Variants in GPALPP1 observed in about 807,000 individuals in gnomAD.
GPALPP1 encodes GPALPP motifs-containing protein 1.
In GPALPP1, 30 loss-of-function variants were observed where a neutral mutation model predicts 38.9. The ratio of observed to expected loss-of-function variants is 0.77; its 90% CI spans 0.58 to 1.05. GPALPP1 has a LOEUF of 1.05. Among genes scored for constraint, GPALPP1 ranks in the 50% least tolerant of loss-of-function variants. The pLI, the probability that GPALPP1 is intolerant of heterozygous loss-of-function variation, is 0.00. For missense variants in GPALPP1, 384 were observed against 408.8 expected, an observed-to-expected ratio of 0.94 and a Z score of 0.52; for synonymous variants, 120 against 139.2, an observed-to-expected ratio of 0.86 and a Z score of 0.97.
intron 1 of GPALPP1, among the ~76,000 whole-genome samples, chr13:44,996,454 G>C (rs1421945341): frequency 2.0e-5 from 3 of 151,312 alleles, no homozygotes; most frequent in Non-Finnish European, 2.9e-5. Context: ...TTTGTATGGA[G>C]TCTGGAAGAA....
chr13:45,008,580 T>C (rs1874260694), intron 3 of GPALPP1, among the ~76,000 whole-genome samples: 1 of 152,214 alleles, frequency 6.6e-6, no homozygotes, highest in Non-Finnish European at 1.5e-5. Context: ...TCTCTAATTA[T>C]TGACTAACAA....
At chr13:45,005,113 T>G (rs1873991784) in intron 2 of GPALPP1, 1 of 131,164 alleles carries the variant, frequency 7.6e-6, no homozygotes, top group South Asian at 2.6e-4. Flanking sequence ...TTTTTTTTTT[T>G]TTTGAGATGA....
downstream of GPALPP1, chr13:45,032,124 G>A (rs1188145812): frequency 2.0e-5 from 3 of 152,300 alleles, no homozygotes; most frequent in South Asian, 4.1e-4. Context: ...AAACGGTGGG[G>A]TTATTGGGTT....
chr13:44,998,628 C>A (rs1194825492), intron 1 of GPALPP1, among the ~76,000 whole-genome samples: 1 of 152,212 alleles, frequency 6.6e-6, no homozygotes, highest in Non-Finnish European at 1.5e-5. Flanking sequence ...CCAGTCCCCA[C>A]CTTCTTTGCC....
chr13:45,003,371 A>G (rs1873827942), intron 1 of GPALPP1, among the ~76,000 whole-genome samples: 4 of 152,250 alleles, frequency 2.6e-5, no homozygotes, highest in African/African-American at 7.2e-5. Context: ...AACAAATATT[A>G]CTATTACTAT....
In GPALPP1 at chr13:45,004,298, T is replaced by A; in HGVS notation, c.89-7T>A. 1 of 1,610,530 alleles carries A rather than the reference T, an allele frequency of 6.2e-7. No homozygotes were observed. Among genetic ancestry groups the A allele is most frequent in the South Asian group, 1.1e-5 (1 of 90,588 alleles). On this transcript the variant is annotated splice_region_variant and splice_polypyrimidine_tract_variant and intron_variant, in intron 1 of 7. Transcript: ENST00000379151. ...GCTAGTGATGACAAACAACAAGTGT[T>A]CTTTAGTTGCAGGACCAGCTCTGCC... is the stretch of plus-strand genomic sequence containing the variant.
At chr13:44,992,447 A>G (rs1218602725) in intron 1 of GPALPP1, among the ~76,000 whole-genome samples, 1 of 152,098 alleles carries the variant, frequency 6.6e-6, no homozygotes, top group Non-Finnish European at 1.5e-5. Context: ...GTATGTTTTG[A>G]TTAACATAAG....
Position 45,024,293 on chromosome 13 carries a change from T to TGTGTGTGTGTGTGC in GPALPP1, c.805-3479_805-3478insCGTGTGTGTGTGTG, listed in dbSNP as rs1566084661. On this transcript the variant is annotated intron_variant, in intron 7 of 7. Transcript: ENST00000379151. ...GTGTGTGTGTGTGTGTGTGTGTGTG[T>TGTGTGTGTGTGTGC]GTGTGTGTGTGTGTGTTTTGAGACT... Among the ~76,000 whole-genome samples the TGTGTGTGTGTGTGC allele has an allele frequency of 6.1e-5, 9 of 148,024 alleles. 1 individual carries two copies. In the South Asian group the frequency reaches 1.6e-3, roughly 26 times the overall value.
chr13:44,990,946 C>T (rs1303621227), intron 1 of GPALPP1, among the ~76,000 whole-genome samples: 6 of 151,958 alleles, frequency 3.9e-5, no homozygotes, highest in East Asian at 1.9e-4. Flanking sequence ...AAAAATTAGC[C>T]GGGCGTGGTG....
At position 45,024,216 on chromosome 13, in the gene GPALPP1, CTGAGTCTCAATCTTCAAGTGTTTTT is replaced by C. The variant is rs1566084557; in HGVS notation, c.805-3568_805-3544del. 2.5e-4 allele frequency among the ~76,000 whole-genome samples: 21 copies of C among 83,408 alleles called. 3 individuals are homozygous for C. Among genetic ancestry groups the C allele is most frequent in the African/African-American group, 1.0e-3 (20 of 20,062 alleles). 54.7% of individuals were successfully genotyped at this position (83,408 alleles called of 152,430 possible). On this transcript the variant is annotated intron_variant, in intron 7 of 7. Transcript: ENST00000379151. ...GTGTGTGTGTGTGTGTGTTTTGAGA[CTGAGTCTCAATCTTCAAGTGTTTTT>C]GCTTGGTATCCCCTAAAACTCTGTG...
intron 4 of GPALPP1, among the ~76,000 whole-genome samples, chr13:45,011,812 G>T (rs759672604): frequency 3.4e-4 from 52 of 152,090 alleles, no homozygotes; most frequent in Non-Finnish European, 4.6e-4. Context: ...AAGAATTTAG[G>T]CTAAGTACGA....
chr13:45,020,509 G>A lies in GPALPP1; in HGVS notation c.804+81G>A, dbSNP rs1875343637. ...CCAGCTACTTGGGAGGCTGAGGCAGGAGGATCACTTGAGACGAAGAGTTCA... is the reference window on the plus strand; with the variant it reads ...CCAGCTACTTGGGAGGCTGAGGCAGAAGGATCACTTGAGACGAAGAGTTCA... On this transcript the variant is annotated intron_variant, in intron 7 of 7. Transcript: ENST00000379151. 42 of 704,524 alleles carry A rather than the reference G, an allele frequency of 6.0e-5. No individual in the cohort carries two copies. The South Asian group carries it at 6.6e-4, about 11-fold the overall frequency. The allele number at this position is 704,524 out of a possible 1,614,324, so 43.6% of individuals were successfully genotyped here. A position where few individuals can be genotyped will look rare whatever the true frequency, so the allele number is the denominator to read the frequency against.
At chr13:45,035,680 A>T (rs1253390880) in exon 8 of GPALPP1, 1 of 152,224 alleles carries the variant, frequency 6.6e-6, no homozygotes, top group East Asian at 1.9e-4. Flanking sequence ...GGGACTGAAA[A>T]ATACAGTAGA....
chr13:45,027,773 T>A lies in GPALPP1; in HGVS notation c.805-12T>A. Reference sequence around the variant, plus strand: ...ACTATAGTTTTTATTTCTGCTCTCCTGCTCTCTCCAGGAATCAAAAAGATC... The same window carrying A: ...ACTATAGTTTTTATTTCTGCTCTCCAGCTCTCTCCAGGAATCAAAAAGATC... On this transcript the variant is annotated splice_polypyrimidine_tract_variant and intron_variant, in intron 7 of 7. Transcript: ENST00000379151. 8.0e-7 allele frequency: 1 copy of A among 1,244,502 alleles called. No individual in the cohort carries two copies. Among genetic ancestry groups the A allele is most frequent in the Non-Finnish European group, 1.2e-6 (1 of 851,204 alleles). 77.1% of individuals were successfully genotyped at this position (1,244,502 alleles called of 1,614,324 possible).
chr13:45,015,141 G>T, intron 5 of GPALPP1, 58 bp downstream of exon 5: 1 of 1,113,514 alleles, frequency 9.0e-7, no homozygotes, highest in Non-Finnish European at 1.3e-6. Context: ...CTAAATTTTA[G>T]AAATAAACAC....
At chr13:45,004,239 A>G (rs958473383) in intron 1 of GPALPP1, 66 bp from the exon 2 acceptor site, 349 of 1,336,910 alleles carry the variant, frequency 2.6e-4, no homozygotes, top group Non-Finnish European at 3.5e-4. Flanking sequence ...AAAGTGAAAA[A>G]TATCAGCTAG....
At chr13:45,011,213 G>A (rs1462471927) in intron 4 of GPALPP1, among the ~76,000 whole-genome samples, 1 of 152,096 alleles carries the variant, frequency 6.6e-6, no homozygotes, top group Non-Finnish European at 1.5e-5. Flanking sequence ...GAGAGAGAAG[G>A]TGAGGAAAGT....
At chr13:44,991,764 G>C (rs898785543) in intron 1 of GPALPP1, among the ~76,000 whole-genome samples, 1 of 152,214 alleles carries the variant, frequency 6.6e-6, no homozygotes, top group African/African-American at 2.4e-5. Flanking sequence ...CCTACAACCA[G>C]AGGGTAACTG....
chr13:45,003,441 C>G (rs1284039358), intron 1 of GPALPP1, among the ~76,000 whole-genome samples: 2 of 152,110 alleles, frequency 1.3e-5, no homozygotes, highest in African/African-American at 2.4e-5. Context: ...CCAGGCCCTC[C>G]TCCAGGCCAA....
Sources: gnomAD v4.1 joint callset for allele counts (sites outside exome capture counted in the v4.1 genomes callset) on GRCh38, gnomAD v4.1.1 for gene constraint, MANE v1.5 for transcripts, NCBI Gene and HGNC (gene_info 2026-07-23, HGNC 2026-07-21) for gene names.